Variants in NME5 observed in about 807,000 individuals in gnomAD.
The protein encoded by NME5 is NME/NM23 family member 5.
In NME5, 18 loss-of-function variants were observed where a neutral mutation model predicts 21.6. That is an observed-to-expected ratio of 0.83 (90% confidence interval 0.58 to 1.24). NME5 has a LOEUF of 1.24. NME5 is among the 50% of genes most tolerant of loss of function. The pLI, the probability that NME5 is intolerant of heterozygous loss-of-function variation, is 0.00. For missense variants in NME5, 223 were observed against 255.4 expected, an observed-to-expected ratio of 0.87 and a Z score of 0.86; for synonymous variants, 70 against 80.6, an observed-to-expected ratio of 0.87 and a Z score of 0.71.
At chr5:138,122,939 CAAAGTGCTGGGA>C (rs1437378252) in intron 4 of NME5, 2 of 152,070 alleles carry the variant, frequency 1.3e-5, no homozygotes, top group African/African-American at 4.8e-5. Context: ...GTCAGGCTCC[CAAAGTGCTGGGA>C]TTACAGGCAT....
At chr5:138,130,155 T>C (rs1463499306) in intron 2 of NME5, among the ~76,000 whole-genome samples, 1 of 152,236 alleles carries the variant, frequency 6.6e-6, no homozygotes, top group Non-Finnish European at 1.5e-5. Flanking sequence ...CAGTGGCCCA[T>C]GCCTATAATC....
At chr5:138,139,011 C>G in intron 1 of NME5, 1 of 382,298 alleles carries the variant, frequency 2.6e-6, no homozygotes, top group South Asian at 3.3e-5. Context: ...TTTTCGTATA[C>G]GATGTCACCA....
At chr5:138,135,141 A>AC (rs1751667149) in intron 2 of NME5, among the ~76,000 whole-genome samples, 2 of 146,026 alleles carry the variant, frequency 1.4e-5, no homozygotes, top group South Asian at 4.5e-4. Flanking sequence ...ACACAGTGAA[A>AC]CCCCGTCTCT....
chr5:138,123,061 C>A (rs1314367520), intron 4 of NME5: 1 of 152,088 alleles, frequency 6.6e-6, no homozygotes, highest in Non-Finnish European at 1.5e-5. Context: ...AGGGGCCAAG[C>A]TAATCTTCTC....
intron 2 of NME5, among the ~76,000 whole-genome samples, chr5:138,135,493 C>T (rs1174055699): frequency 1.3e-5 from 2 of 151,660 alleles, no homozygotes; most frequent in Non-Finnish European, 2.9e-5. Flanking sequence ...TGCCACCACA[C>T]CCAGGTAATT....
At chr5:138,121,193 T>G (rs1322392326) in intron 4 of NME5, among the ~76,000 whole-genome samples, 1 of 151,760 alleles carries the variant, frequency 6.6e-6, no homozygotes, top group Non-Finnish European at 1.5e-5. Context: ...ATATCATTTT[T>G]GGGGGAGGAT....
intron 2 of NME5, among the ~76,000 whole-genome samples, chr5:138,134,916 T>C (rs1378066892): frequency 6.6e-6 from 1 of 150,472 alleles, no homozygotes; most frequent in Admixed American, 6.6e-5. Flanking sequence ...GGGGTTTCGC[T>C]GTGGTCTCAA....
chr5:138,130,466 G>T (rs1010447027), intron 2 of NME5, among the ~76,000 whole-genome samples: 12 of 152,138 alleles, frequency 7.9e-5, no homozygotes, highest in Admixed American at 3.3e-4. Flanking sequence ...TTCTGGTTCT[G>T]TCATAAATAT....
intron 4 of NME5, among the ~76,000 whole-genome samples, chr5:138,124,768 G>A (rs758798062): frequency 3.9e-5 from 6 of 152,236 alleles, no homozygotes; most frequent in Admixed American, 6.5e-5. Context: ...CAATCCTCCT[G>A]CCTCTGCCTC....
At chr5:138,138,529 G>GT (rs1444098901) in intron 2 of NME5, 123 bp downstream of exon 2, 2 of 784,106 alleles carry the variant, frequency 2.6e-6, no homozygotes, top group Non-Finnish European at 2.0e-6. Flanking sequence ...TTTATACTTA[G>GT]AAGAATAAAC....
chr5:138,115,758 G>T lies in NME5; in HGVS notation c.562C>A (p.Leu188Ile). The T allele has an allele frequency of 6.4e-7, 1 of 1,567,558 alleles. No individual in the cohort carries two copies. Among genetic ancestry groups the T allele is most frequent in the Non-Finnish European group, 8.6e-7 (1 of 1,163,272 alleles). ...KQKPADPLIWLADWLLKNNPN... is the reference protein window; with the variant it reads ...KQKPADPLIWIADWLLKNNPN... ...TTATTTTTCAGCAGCCAATCAGCTA[G>T]CCAAATCTATGGGAAAAAAAAAAAC... Residue 188 changes from leucine (L) to isoleucine (I), a missense_variant, in exon 6 of 6, where the codon CTA becomes ATA. Coordinates refer to ENST00000265191, the MANE Select transcript of NME5 (RefSeq NM_003551.3).
intron 4 of NME5, 29 bp from the exon 5 acceptor site, chr5:138,118,965 G>A (rs763758819): frequency 8.1e-7 from 1 of 1,234,620 alleles, no homozygotes; most frequent in East Asian, 2.3e-5. Flanking sequence ...TCTCATTGAT[G>A]CAAACATAAT....
At chr5:138,136,449 T>C (rs1184697959) in intron 2 of NME5, among the ~76,000 whole-genome samples, 3 of 152,206 alleles carry the variant, frequency 2.0e-5, no homozygotes, top group African/African-American at 7.2e-5. Context: ...TCCTTTTCTG[T>C]GACCATCCAT....
intron 2 of NME5, 42 bp downstream of exon 2, chr5:138,138,610 G>T: frequency 6.4e-7 from 1 of 1,572,658 alleles, no homozygotes; most frequent in African/African-American, 1.4e-5. Flanking sequence ...TTTTTTAAGG[G>T]CAGAGAGGAA....
At position 138,118,873 on chromosome 5, in the gene NME5, G is replaced by A. The variant is rs779147353; in HGVS notation, c.500C>T (p.Pro167Leu). The A allele has an allele frequency of 6.2e-7, 1 of 1,613,640 alleles. No individual in the cohort carries two copies. Among genetic ancestry groups the A allele is most frequent in the Non-Finnish European group, 8.5e-7 (1 of 1,179,658 alleles). The change falls in exon 5 of 6, where the codon CCA (proline) becomes CTA (leucine). Residue 167 changes from proline to leucine, a missense_variant. Physicochemically the swap from Pro to Leu is moderately conservative, Grantham distance 98 (BLOSUM62 -3). Transcript: ENST00000265191. Reference protein sequence around the residue: ...AKDYLNLHIMPTLLEGLTELC... With the variant: ...AKDYLNLHIMLTLLEGLTELC... The stretch of plus-strand genomic sequence containing the variant: ...CTCTGTGAGTCCTTCAAGCAGAGTT[G>A]GCATTATATGTAAATTTAAATAGTC...
chr5:138,120,412 T>C (rs1437221835), intron 4 of NME5, among the ~76,000 whole-genome samples: 3 of 151,970 alleles, frequency 2.0e-5, no homozygotes, highest in African/African-American at 7.3e-5. Flanking sequence ...AATTTTTTTG[T>C]ATTTTTTAGT....
chr5:138,123,019 C>A (rs1310593168), intron 4 of NME5: 1 of 151,962 alleles, frequency 6.6e-6, no homozygotes, highest in Non-Finnish European at 1.5e-5. Flanking sequence ...CTTAAAATTT[C>A]TTTTTATTTT....
chr5:138,132,559 G>T (rs1191973871), intron 2 of NME5, among the ~76,000 whole-genome samples: 4 of 152,146 alleles, frequency 2.6e-5, no homozygotes, highest in Non-Finnish European at 5.9e-5. Context: ...TTTCTAAAAT[G>T]TCTTAGATTT....
chr5:138,134,685 T>C (rs1751650846), intron 2 of NME5, among the ~76,000 whole-genome samples: 1 of 152,110 alleles, frequency 6.6e-6, no homozygotes, highest in Non-Finnish European at 1.5e-5. Flanking sequence ...CGGCTAATTT[T>C]TAATTTATAA....
Sources: gnomAD v4.1 joint callset for allele counts (sites outside exome capture counted in the v4.1 genomes callset) on GRCh38, gnomAD v4.1.1 for gene constraint, MANE v1.5 for transcripts, NCBI Gene and HGNC (gene_info 2026-07-23, HGNC 2026-07-21) for gene names.